SHLD1: variants seen among roughly 807,000 people sequenced by gnomAD.
SHLD1 encodes the protein shieldin complex subunit 1, also known as RINN1-REV7-interacting novel NHEJ regulator 3.
A neutral mutation model predicts 5.5 loss-of-function variants in SHLD1; 3 were observed. The observed-to-expected ratio is 0.54, with a 90% confidence interval of 0.25 to 1.40. SHLD1 has a LOEUF of 1.40. SHLD1 is among the 40% of genes most tolerant of loss of function. The pLI is 0.15. For synonymous variants in SHLD1, 92 were observed against 94.3 expected (o/e 0.98, Z 0.14); for missense variants, 210 against 244.4 (o/e 0.86, Z 0.94).
intron 2 of SHLD1, among the ~76,000 whole-genome samples, chr20:5,832,866 T>A (rs1938676387): frequency 6.6e-6 from 1 of 151,972 alleles, no homozygotes; most frequent in Admixed American, 6.5e-5. Context: ...AAAGCAGGTA[T>A]CCAACATATT....
At chr20:5,831,616 G>C (rs776192971) in intron 2 of SHLD1, among the ~76,000 whole-genome samples, 1 of 152,100 alleles carries the variant, frequency 6.6e-6, no homozygotes, top group African/African-American at 2.4e-5. Flanking sequence ...TGAAGAAACA[G>C]GAAGATGAAC....
At chr20:5,849,686 G>A (rs988946599) in intron 2 of SHLD1, among the ~76,000 whole-genome samples, 4 of 152,172 alleles carry the variant, frequency 2.6e-5, no homozygotes, top group East Asian at 3.9e-4. Context: ...GGGGCCGGGC[G>A]CGGTGGCTCA....
At chr20:5,795,383 A>G (rs767513771) in intron 2 of SHLD1, among the ~76,000 whole-genome samples, 3 of 152,034 alleles carry the variant, frequency 2.0e-5, no homozygotes, top group Non-Finnish European at 4.4e-5. Flanking sequence ...GATCACTTGA[A>G]GTCAGGAGTT....
chr20:5,863,427 T>C lies in SHLD1; in HGVS notation c.582T>C (p.His194=). 1 of 1,610,552 alleles carries C rather than the reference T, an allele frequency of 6.2e-7. No individual in the cohort carries two copies. Among genetic ancestry groups the C allele is most frequent in the Non-Finnish European group, 8.5e-7 (1 of 1,178,458 alleles). ...CAGGACTGTCAAAGGATATTACTCA[T>C]TTCCTCTTGCAGCAGAATGTAATGA... ...PNPGLSKDIT[H]FLLQQNVMKD... The change falls in exon 3 of 3, where the codon CAT becomes CAC. Residue 194 remains histidine (H), a synonymous_variant. Transcript: ENST00000303142.
intron 2 of SHLD1, among the ~76,000 whole-genome samples, chr20:5,849,945 G>A (rs1306116636): frequency 1.6e-5 from 2 of 126,786 alleles, no homozygotes; most frequent in East Asian, 2.3e-4. Flanking sequence ...CGGCCTGGGC[G>A]ACAGAGCGAG....
intron 2 of SHLD1, among the ~76,000 whole-genome samples, chr20:5,835,975 G>A (rs1419454156): frequency 3.9e-5 from 6 of 152,246 alleles, no homozygotes; most frequent in South Asian, 4.2e-4. Flanking sequence ...ATGACCGATC[G>A]GAGGTTAAAT....
chr20:5,848,326 G>A (rs2087957228), intron 2 of SHLD1, among the ~76,000 whole-genome samples: 1 of 152,168 alleles, frequency 6.6e-6, no homozygotes, highest in South Asian at 2.1e-4. Flanking sequence ...GATCACTTGA[G>A]GCCAGGAGTT....
chr20:5,770,361 A>G (rs1377100039), intron 1 of SHLD1, among the ~76,000 whole-genome samples: 1 of 152,186 alleles, frequency 6.6e-6, no homozygotes, highest in Non-Finnish European at 1.5e-5. Flanking sequence ...CACTTCAGCA[A>G]ATTTTAGTAA....
Position 5,850,645 on chromosome 20 carries a change from G to A in SHLD1, c.179-12379G>A, listed in dbSNP as rs183726521. Among the ~76,000 whole-genome samples the A allele has an allele frequency of 4.2e-4, 64 of 151,934 alleles. No individual in the cohort carries two copies. The Middle Eastern group carries it at 0.017, about 40-fold the overall frequency. On this transcript the variant is annotated intron_variant, in intron 2 of 2. Transcript: ENST00000303142. ...CCTGCCTCAGCCTCCCGAGTAGCTG[G>A]GATTACAGGTGTGTGCCACCACACC...
At position 5,779,972 on chromosome 20, in the gene SHLD1, G is replaced by GTTTTTTT. The variant is rs11381238; in HGVS notation, c.178+6946_178+6952dup. Among the ~76,000 whole-genome samples, 33 of 81,768 alleles carry GTTTTTTT rather than the reference G, an allele frequency of 4.0e-4. 1 individual carries two copies. The highest frequency in any genetic ancestry group is 1.4e-3 in the African/African-American group (28 of 20,514). 53.6% of individuals were successfully genotyped at this position (81,768 alleles called of 152,430 possible). On this transcript the variant is annotated intron_variant, in intron 2 of 2. Transcript: ENST00000303142. ...ACTTGGCATAGTTTTTACAATTTCT[G>GTTTTTTT]TTTTTTTTTTTTTTTTTTTTTTTGG...
chr20:5,807,586 T>A (rs925109158), intron 2 of SHLD1, among the ~76,000 whole-genome samples: 1 of 152,164 alleles, frequency 6.6e-6, no homozygotes, highest in Non-Finnish European at 1.5e-5. Context: ...TTGCCCAGGC[T>A]GGTTGCAAAC....
At chr20:5,845,129 A>G (rs948643691) in intron 2 of SHLD1, among the ~76,000 whole-genome samples, 1 of 152,116 alleles carries the variant, frequency 6.6e-6, no homozygotes, top group Admixed American at 6.5e-5. Flanking sequence ...TTCACTATTC[A>G]CTTTGAAAAA....
rs2088193181 is a variant in SHLD1 at position 5,863,575 on chromosome 20, CAATT to C, written c.*115_*118del. ...CTGGCCAGCTCTGTGTGCCCAATCC[CAATT>C]AAGTGCTTTGAGGTTAAAGGCTGGC... On this transcript the variant is annotated 3_prime_UTR_variant, in exon 3 of 3. Coordinates refer to ENST00000303142, the MANE Select transcript of SHLD1 (RefSeq NM_152504.4). The C allele has an allele frequency of 9.2e-7, 1 of 1,081,220 alleles. No individual in the cohort carries two copies. 67.0% of individuals were successfully genotyped at this position (1,081,220 alleles called of 1,614,324 possible).
At chr20:5,754,309 C>T (rs1983936552) in intron 1 of SHLD1, among the ~76,000 whole-genome samples, 1 of 152,028 alleles carries the variant, frequency 6.6e-6, no homozygotes, top group African/African-American at 2.4e-5. Flanking sequence ...CGGGTTTTCA[C>T]CATGTTGCGC....
At chr20:5,834,455 T>C (rs2087766852) in intron 2 of SHLD1, among the ~76,000 whole-genome samples, 1 of 152,158 alleles carries the variant, frequency 6.6e-6, no homozygotes, top group African/African-American at 2.4e-5. Flanking sequence ...ATGAGCTGAG[T>C]CAAGTAGCAT....
At chr20:5,825,366 C>T (rs1390058134) in intron 2 of SHLD1, among the ~76,000 whole-genome samples, 1 of 152,222 alleles carries the variant, frequency 6.6e-6, no homozygotes, top group African/African-American at 2.4e-5. Context: ...TTTCTAAGAG[C>T]TGGTTAATGG....
At chr20:5,757,523 A>G (rs958266326) in intron 1 of SHLD1, among the ~76,000 whole-genome samples, 2 of 152,038 alleles carry the variant, frequency 1.3e-5, no homozygotes, top group Non-Finnish European at 2.9e-5. Context: ...TTTGTCAAAA[A>G]CTTGTGTGTG....
intron 2 of SHLD1, among the ~76,000 whole-genome samples, chr20:5,839,641 A>G (rs908448947): frequency 6.6e-6 from 1 of 152,248 alleles, no homozygotes; most frequent in Non-Finnish European, 1.5e-5. Flanking sequence ...TCCCTAGACC[A>G]TAAAAGCTTA....
chr20:5,817,446 G>C (rs868006705), intron 2 of SHLD1, among the ~76,000 whole-genome samples: 40 of 137,720 alleles, frequency 2.9e-4, no homozygotes, highest in Non-Finnish European at 4.1e-4. Context: ...GTGTGTGTGT[G>C]TGTGTGTGTG....
Sources: allele counts gnomAD v4.1 joint callset (sites outside exome capture counted in the v4.1 genomes callset), GRCh38; gene constraint gnomAD v4.1.1; transcripts MANE v1.5; gene names NCBI Gene and HGNC (gene_info 2026-07-23, HGNC 2026-07-21).